LRP1B: variants seen among roughly 807,000 people sequenced by gnomAD.
The protein encoded by LRP1B is LDL receptor related protein 1B, also known as low-density lipoprotein receptor-related protein 1B.
Under a neutral mutation model 556.6 loss-of-function variants are expected in LRP1B, and 217 were observed. The observed-to-expected ratio is 0.39, with a 90% CI of 0.35 to 0.44. The LOEUF (loss-of-function observed/expected upper bound fraction) is 0.44. Ranked by LOEUF, LRP1B falls within the 20% of genes least tolerant of loss-of-function variation. LRP1B has a pLI of 1.00. For synonymous variants in LRP1B, 2,047 were observed against 1,865.8 expected, an observed-to-expected ratio of 1.10 and a Z score of -2.50; for missense variants, 5,053 against 5,620.8, an observed-to-expected ratio of 0.90 and a Z score of 3.23.
intron 2 of LRP1B, among the ~76,000 whole-genome samples, chr2:141,725,305 C>T (rs1692987217): frequency 6.6e-6 from 1 of 151,798 alleles, no homozygotes; most frequent in African/African-American, 2.4e-5. Flanking sequence ...ATAAACTCGA[C>T]TTCTTCAAAT....
At chr2:140,559,416 G>A (rs1574079198) in intron 43 of LRP1B, among the ~76,000 whole-genome samples, 1 of 151,994 alleles carries the variant, frequency 6.6e-6, no homozygotes, top group South Asian at 2.1e-4. Context: ...AATGACCAGA[G>A]TAAGTACAGA....
chr2:141,387,515 T>C (rs1345405792), intron 3 of LRP1B, among the ~76,000 whole-genome samples: 1 of 152,064 alleles, frequency 6.6e-6, no homozygotes, highest in East Asian at 1.9e-4. Context: ...AAGAGTATTA[T>C]AAGAAAATGA....
At chr2:141,948,394 ATC>A (rs1473239696) in intron 1 of LRP1B, among the ~76,000 whole-genome samples, 2 of 152,092 alleles carry the variant, frequency 1.3e-5, no homozygotes, top group Non-Finnish European at 2.9e-5. Flanking sequence ...CTTGGCAAAT[ATC>A]TGATAGCTAT....
chr2:142,116,287 A>G (rs191944472), intron 1 of LRP1B, among the ~76,000 whole-genome samples: 1 of 151,032 alleles, frequency 6.6e-6, no homozygotes, highest in Non-Finnish European at 1.5e-5. Context: ...ATTGTCATGC[A>G]TTTCCCAAGG....
At chr2:141,156,247 A>G (rs1702063288) in intron 7 of LRP1B, among the ~76,000 whole-genome samples, 1 of 152,168 alleles carries the variant, frequency 6.6e-6, no homozygotes, top group Non-Finnish European at 1.5e-5. Flanking sequence ...AGGCTCTTCA[A>G]GGTATAGGAG....
chr2:142,127,761 C>T (rs938781015), intron 1 of LRP1B, among the ~76,000 whole-genome samples: 1 of 151,962 alleles, frequency 6.6e-6, no homozygotes, highest in African/African-American at 2.4e-5. Flanking sequence ...ATGACTATAA[C>T]AGCATGAACT....
At chr2:140,444,768 A>T (rs1686581251) in intron 63 of LRP1B, 89 bp from the exon 64 acceptor site, 7 of 753,586 alleles carry the variant, frequency 9.3e-6, no homozygotes, top group Non-Finnish European at 1.6e-5. Context: ...GATATTTACT[A>T]TAATAAATAT....
chr2:141,797,146 C>CACATAT (rs1553465613), intron 2 of LRP1B, among the ~76,000 whole-genome samples: 1 of 79,092 alleles, frequency 1.3e-5, no homozygotes, highest in Non-Finnish European at 2.4e-5. Context: ...TGAAAATAAT[C>CACATAT]ATATATATAT....
chr2:140,334,999 A>G (rs1681000306), intron 78 of LRP1B, among the ~76,000 whole-genome samples: 1 of 152,020 alleles, frequency 6.6e-6, no homozygotes, highest in African/African-American at 2.4e-5. Flanking sequence ...AATTTGGAAG[A>G]CTGCATAATT....
chr2:140,665,770 A>G (rs1407146645), intron 41 of LRP1B, among the ~76,000 whole-genome samples: 1 of 152,170 alleles, frequency 6.6e-6, no homozygotes, highest in Admixed American at 6.5e-5. Context: ...CCTAAAACGC[A>G]TGCTAGATTT....
chr2:140,358,532 C>A (rs925663597), intron 73 of LRP1B, among the ~76,000 whole-genome samples: 2 of 151,554 alleles, frequency 1.3e-5, no homozygotes, highest in Non-Finnish European at 3.0e-5. Flanking sequence ...TCCCTTTCTT[C>A]AAAAAATTAA....
chr2:141,250,876 C>T lies in LRP1B; in HGVS notation c.464-3522G>A, dbSNP rs186813431. 6.6e-5 allele frequency among the ~76,000 whole-genome samples: 10 copies of T among 152,158 alleles called. No homozygotes were observed. The East Asian group carries it at 1.5e-3, about 24-fold the overall frequency. On this transcript the variant is annotated intron_variant, in intron 4 of 90. Transcript: ENST00000389484. ...CAGAGTGATATGACAATAAAGAAAC[C>T]TCAACTGGCATGTTAAAAAATCCCC...
intron 2 of LRP1B, among the ~76,000 whole-genome samples, chr2:141,772,548 G>A (rs1307815729): frequency 4.6e-5 from 7 of 152,158 alleles, no homozygotes; most frequent in Non-Finnish European, 7.3e-5. Flanking sequence ...GATAGGGTCC[G>A]GCGCTGGTGG....
intron 7 of LRP1B, among the ~76,000 whole-genome samples, chr2:141,076,477 C>A (rs1357622235): frequency 6.6e-6 from 1 of 152,166 alleles, no homozygotes. Context: ...ACCAGGGGAG[C>A]TTGCTGACAT....
At chr2:141,524,930 T>G (rs1395996203) in intron 2 of LRP1B, among the ~76,000 whole-genome samples, 1 of 152,082 alleles carries the variant, frequency 6.6e-6, no homozygotes, top group Admixed American at 6.6e-5. Context: ...AAAGAAAGAA[T>G]CTAGTAATGA....
chr2:140,424,926 CAAATT>C (rs986319778), intron 66 of LRP1B, among the ~76,000 whole-genome samples: 3 of 152,130 alleles, frequency 2.0e-5, no homozygotes, highest in Non-Finnish European at 4.4e-5. Flanking sequence ...AGGCTAGTGT[CAAATT>C]AGAATTATTT....
chr2:140,533,641 C>A (rs1290256902), intron 47 of LRP1B, among the ~76,000 whole-genome samples: 1 of 152,006 alleles, frequency 6.6e-6, no homozygotes, highest in Non-Finnish European at 1.5e-5. Context: ...AAGGAGAACA[C>A]CAAAGTTTCC....
intron 5 of LRP1B, among the ~76,000 whole-genome samples, chr2:141,238,532 T>A (rs1031267045): frequency 1.3e-5 from 2 of 152,108 alleles, no homozygotes; most frequent in Non-Finnish European, 2.9e-5. Context: ...AGGGTCTAGA[T>A]GCTAGCAATA....
At chr2:141,659,791 T>C (rs1418839212) in intron 2 of LRP1B, among the ~76,000 whole-genome samples, 1 of 152,078 alleles carries the variant, frequency 6.6e-6, no homozygotes, top group Non-Finnish European at 1.5e-5. Flanking sequence ...TATTACAGTA[T>C]CTCTCATACA....
Sources: allele counts gnomAD v4.1 joint callset (sites outside exome capture counted in the v4.1 genomes callset), GRCh38; gene constraint gnomAD v4.1.1; transcripts MANE v1.5; gene names NCBI Gene and HGNC (gene_info 2026-07-23, HGNC 2026-07-21).